TACC1: variants seen among roughly 807,000 people sequenced by gnomAD.
The protein encoded by TACC1 is transforming acidic coiled-coil-containing protein 1.
In TACC1, 48 loss-of-function variants were observed where a neutral mutation model predicts 84.4. The ratio of observed to expected loss-of-function variants is 0.57; its 90% CI spans 0.45 to 0.72. The LOEUF is 0.72. Ranked by LOEUF, TACC1 falls within the 30% of genes least tolerant of loss-of-function variation. The pLI is 0.00. For synonymous variants in TACC1, 372 were observed against 376.3 expected (o/e 0.99, Z 0.13); for missense variants, 920 against 973.0 (o/e 0.95, Z 0.72).
chr8:38,814,833 AG>A (rs1825047848), intron 2 of TACC1, among the ~76,000 whole-genome samples: 1 of 152,250 alleles, frequency 6.6e-6, no homozygotes, highest in African/African-American at 2.4e-5. Context: ...GAAAGGAGGT[AG>A]TTCTTGTCCT....
intron 2 of TACC1, among the ~76,000 whole-genome samples, chr8:38,816,135 A>C (rs1825394390): frequency 6.6e-6 from 1 of 152,168 alleles, no homozygotes; most frequent in East Asian, 1.9e-4. Context: ...AGAGGAGCAG[A>C]GGGGAATTTG....
intron 3 of TACC1, among the ~76,000 whole-genome samples, chr8:38,761,909 A>G (rs754966750): frequency 2.0e-5 from 3 of 152,210 alleles, no homozygotes; most frequent in Admixed American, 6.5e-5. Context: ...ACATGTGGAA[A>G]TATGTAATTT....
chr8:38,812,087 C>T (rs1249255179), intron 2 of TACC1, among the ~76,000 whole-genome samples: 2 of 152,132 alleles, frequency 1.3e-5, no homozygotes, highest in Admixed American at 1.3e-4. Flanking sequence ...TTGGGAAATT[C>T]CAGCCTGGTA....
intron 2 of TACC1, among the ~76,000 whole-genome samples, chr8:38,743,160 G>T (rs1221834282): frequency 1.3e-5 from 2 of 152,148 alleles, no homozygotes; most frequent in Non-Finnish European, 2.9e-5. Context: ...AGGTGGGTTA[G>T]GGTACAGATT....
intron 9 of TACC1, 101 bp downstream of exon 9, chr8:38,840,368 C>T: frequency 9.3e-7 from 1 of 1,074,372 alleles, no homozygotes; most frequent in African/African-American, 1.6e-5. Context: ...AGCTTATAAA[C>T]AACAAACATT....
intron 2 of TACC1, among the ~76,000 whole-genome samples, chr8:38,796,751 G>A (rs1303786913): frequency 6.6e-6 from 1 of 152,222 alleles, no homozygotes; most frequent in Non-Finnish European, 1.5e-5. Context: ...GTCATGCATG[G>A]TTGAGAAGAG....
rs10107016 is a variant in TACC1, at chr8:38,820,008, A to G, written c.764A>G (p.Glu255Gly). The G allele has an allele frequency of 6.6e-4, 1,063 of 1,614,052 alleles. 5 individuals are homozygous for G. The African/African-American group carries it at 0.012, about 19-fold the overall frequency. The part of the protein sequence containing the change: ...GEFSDTNAAV[E>G]GTPLPKASYH... ...TTCTCAGACACCAACGCTGCTGTGG[A>G]GGGCACACCTCTCCCCAAGGCATCC... Residue 255 changes from glutamate (E) to glycine (G), a missense_variant, in exon 3 of 13, where the codon GAG becomes GGG. Glu to Gly is a moderately conservative substitution (Grantham distance 98). Around this residue, in one of 2 missense-constraint regions of TACC1, gnomAD observed 762 missense variants for 747.3 expected, o/e 1.02. Coordinates refer to ENST00000317827, the MANE Select transcript of TACC1 (RefSeq NM_006283.3).
In TACC1 at chr8:38,819,582, C is replaced by G; in HGVS notation, c.338C>G (p.Thr113Ser). The change falls in exon 3 of 13, where the codon ACT becomes AGT. Residue 113 changes from threonine to serine, a missense_variant. Physicochemically the swap from Thr to Ser is moderately conservative, Grantham distance 58 (BLOSUM62 1). Around this residue, in one of 2 missense-constraint regions of TACC1, gnomAD observed 762 missense variants for 747.3 expected, o/e 1.02. Coordinates refer to ENST00000317827, the MANE Select transcript of TACC1 (RefSeq NM_006283.3). ...GTGGTTGAAAAATGTTCATCTAAGA[C>G]TTGTTCTAAACCTTCAGAAAATGAA... Reference protein sequence around the residue: ...AEVVEKCSSKTCSKPSENEVP... With the variant: ...AEVVEKCSSKSCSKPSENEVP... 6.2e-7 allele frequency: 1 copy of G among 1,614,232 alleles called. No homozygotes were observed. Among genetic ancestry groups the G allele is most frequent in the Non-Finnish European group, 8.5e-7 (1 of 1,180,040 alleles).
rs535143435 is a variant in TACC1 at position 38,793,470 on chromosome 8, G to A, written c.277+4651G>A. Reference sequence around the variant, plus strand: ...TTTCAGGGCCCATCAATGGTCACACGATTATGTGAATTTACTAAAAACCAT... The same window carrying A: ...TTTCAGGGCCCATCAATGGTCACACAATTATGTGAATTTACTAAAAACCAT... On this transcript the variant is annotated intron_variant, in intron 2 of 12. Coordinates refer to ENST00000317827, the MANE Select transcript of TACC1 (RefSeq NM_006283.3). Among the ~76,000 whole-genome samples, 17 of 151,978 alleles carry A rather than the reference G, an allele frequency of 1.1e-4. No homozygotes were observed. The South Asian group carries it at 2.1e-3, about 19-fold the overall frequency.
In TACC1 at chr8:38,806,905, G is replaced by A. The variant is rs146502745; in HGVS notation, c.278-12617G>A. 4.6e-5 allele frequency among the ~76,000 whole-genome samples: 7 copies of A among 152,286 alleles called. No individual in the cohort carries two copies. In the East Asian group the frequency reaches 1.3e-3, roughly 29 times the overall value. ...CTTCAGATGCTAATTGCAAGTCCCA[G>A]ATCCCAGTCATCTGCACTTGTGTCT... On this transcript the variant is annotated intron_variant, in intron 2 of 12. Coordinates refer to ENST00000317827, the MANE Select transcript of TACC1 (RefSeq NM_006283.3).
At chr8:38,730,476 T>C (rs1460823881) in intron 1 of TACC1, among the ~76,000 whole-genome samples, 1 of 152,268 alleles carries the variant, frequency 6.6e-6, no homozygotes, top group Non-Finnish European at 1.5e-5. Flanking sequence ...AGATTACTTA[T>C]TGAGCCAGGC....
At chr8:38,840,433 G>A (rs1831038607) in intron 9 of TACC1, 166 bp downstream of exon 9, 4 of 564,508 alleles carry the variant, frequency 7.1e-6, no homozygotes, top group Non-Finnish European at 1.2e-5. Context: ...AGATGTCTGG[G>A]GAGGGCCCAT....
At chr8:38,822,953 G>A (rs1382230793) in intron 3 of TACC1, among the ~76,000 whole-genome samples, 1 of 152,200 alleles carries the variant, frequency 6.6e-6, no homozygotes, top group African/African-American at 2.4e-5. Flanking sequence ...TTACTAAAAA[G>A]TTTGAGTAAA....
intron 1 of TACC1, among the ~76,000 whole-genome samples, chr8:38,741,492 A>G (rs1587111916): frequency 6.6e-6 from 1 of 152,106 alleles, no homozygotes; most frequent in South Asian, 2.1e-4. Context: ...AACCATGAAT[A>G]CTGATTTTAA....
At chr8:38,817,371 C>A (rs16887779) in intron 2 of TACC1, among the ~76,000 whole-genome samples, 3,295 of 152,316 alleles carry the variant, frequency 0.022, 74 homozygotes, top group Admixed American at 0.059. Context: ...AGACTCTGTA[C>A]ACATAAGTGA....
At chr8:38,735,015 AG>A (rs1439681323) in intron 1 of TACC1, among the ~76,000 whole-genome samples, 1 of 152,262 alleles carries the variant, frequency 6.6e-6, no homozygotes, top group African/African-American at 2.4e-5. Flanking sequence ...GATTTCCAGC[AG>A]GCACCACACG....
At chr8:38,766,298 A>C (rs1812237662) in intron 3 of TACC1, among the ~76,000 whole-genome samples, 1 of 152,246 alleles carries the variant, frequency 6.6e-6, no homozygotes, top group African/African-American at 2.4e-5. Flanking sequence ...TATCTTTATC[A>C]ATCTTATATG....
chr8:38,773,940 C>G (rs914781702), intron 3 of TACC1, among the ~76,000 whole-genome samples: 3 of 152,146 alleles, frequency 2.0e-5, no homozygotes, highest in South Asian at 2.1e-4. Context: ...TTTGAACTGC[C>G]TATGTAGTCA....
In TACC1 at chr8:38,733,998, C is replaced by A. The variant is rs116800202; in HGVS notation, c.-675+5327C>A. Among the ~76,000 whole-genome samples, 579 of 152,198 alleles carry A rather than the reference C, an allele frequency of 3.8e-3. 6 individuals are homozygous for A. Among genetic ancestry groups the A allele is most frequent in the African/African-American group, 0.013 (558 of 41,500 alleles). On this transcript the variant is annotated intron_variant, in intron 1 of 14. Transcript: ENST00000518415. ...CACTGTAAACCGTTCTCATTCATGGCCCATCAGTCATTGCGCAGGGTCCTA... is the reference window on the plus strand; with the variant it reads ...CACTGTAAACCGTTCTCATTCATGGACCATCAGTCATTGCGCAGGGTCCTA...
Sources: gnomAD v4.1 joint callset for allele counts (sites outside exome capture counted in the v4.1 genomes callset) on GRCh38, gnomAD v4.1.1 for gene constraint, gnomAD v4.1.1 regional missense constraint, MANE v1.5 for transcripts, NCBI Gene and HGNC (gene_info 2026-07-23, HGNC 2026-07-21) for gene names.